DMRT1: variants seen among roughly 807,000 people sequenced by gnomAD.
The protein encoded by DMRT1 is doublesex- and mab-3-related transcription factor 1.
Under a neutral mutation model 32.3 loss-of-function variants are expected in DMRT1, and 7 were observed. The observed-to-expected ratio is 0.22, with a 90% confidence interval of 0.12 to 0.41. The LOEUF (loss-of-function observed/expected upper bound fraction) is 0.41, where lower values mean the gene tolerates loss of function less well. Ranked by LOEUF, DMRT1 falls within the 10% of genes least tolerant of loss-of-function variation. The pLI is 1.00. For synonymous variants in DMRT1, 278 were observed against 206.1 expected (o/e 1.35, Z -2.99); for missense variants, 625 against 500.5 (o/e 1.25, Z -2.37).
At chr9:894,476 C>T (rs769524091) in intron 3 of DMRT1, 2 of 495,536 alleles carry the variant, frequency 4.0e-6, no homozygotes, top group Non-Finnish European at 7.3e-6. Flanking sequence ...AACTTGTTTT[C>T]TTTTTCAAAT....
intron 3 of DMRT1, among the ~76,000 whole-genome samples, chr9:907,701 T>C (rs375417213): frequency 5.3e-5 from 8 of 152,332 alleles, no homozygotes; most frequent in East Asian, 1.9e-4. Flanking sequence ...TGACAAGTTT[T>C]GTAGAACAGT....
intron 3 of DMRT1, among the ~76,000 whole-genome samples, chr9:912,235 C>G (rs1388713818): frequency 2.6e-5 from 4 of 152,168 alleles, no homozygotes; most frequent in Admixed American, 1.3e-4. Context: ...GGCAACCGCC[C>G]CCATGATCCA....
chr9:908,845 TC>T (rs1298898753), intron 3 of DMRT1, among the ~76,000 whole-genome samples: 1 of 152,124 alleles, frequency 6.6e-6, no homozygotes, highest in Non-Finnish European at 1.5e-5. Flanking sequence ...CTCCCACCTC[TC>T]CTGGGCGCAT....
At chr9:896,610 C>G (rs1332432603) in intron 3 of DMRT1, among the ~76,000 whole-genome samples, 2 of 152,032 alleles carry the variant, frequency 1.3e-5, no homozygotes, top group African/African-American at 4.8e-5. Context: ...GTCAGGAGTT[C>G]AAGACCTGCG....
At chr9:919,460 C>T (rs768991528) in intron 4 of DMRT1, among the ~76,000 whole-genome samples, 2 of 152,110 alleles carry the variant, frequency 1.3e-5, no homozygotes, top group South Asian at 4.2e-4. Context: ...TTCCTTTTGT[C>T]GTGTTACTGC....
chr9:922,079 CA>C (rs1438581846), intron 4 of DMRT1, among the ~76,000 whole-genome samples: 1 of 151,834 alleles, frequency 6.6e-6, no homozygotes, highest in Non-Finnish European at 1.5e-5. Flanking sequence ...AGAGTTTTGC[CA>C]TATTGCTCAG....
At chr9:948,935 A>G (rs1203439680) in intron 4 of DMRT1, among the ~76,000 whole-genome samples, 1 of 145,674 alleles carries the variant, frequency 6.9e-6, no homozygotes, top group Admixed American at 6.8e-5. Context: ...AATAATAATA[A>G]TAATAATAAT....
At chr9:952,615 G>A (rs965794117) in intron 4 of DMRT1, among the ~76,000 whole-genome samples, 4 of 152,258 alleles carry the variant, frequency 2.6e-5, no homozygotes, top group Non-Finnish European at 4.4e-5. Flanking sequence ...AGCTGAGGTC[G>A]CCATTTGTTA....
chr9:960,568 T>C (rs1819739453), intron 4 of DMRT1, among the ~76,000 whole-genome samples: 1 of 152,208 alleles, frequency 6.6e-6, no homozygotes, highest in Non-Finnish European at 1.5e-5. Context: ...TCCTTTACAA[T>C]TGAGGAAACT....
intron 2 of DMRT1, among the ~76,000 whole-genome samples, chr9:859,200 C>G (rs1815543528): frequency 6.6e-6 from 1 of 152,244 alleles, no homozygotes; most frequent in South Asian, 2.1e-4. Context: ...CAAATGTTTC[C>G]TGTATTGCTG....
chr9:904,012 G>C (rs964202023), intron 3 of DMRT1, among the ~76,000 whole-genome samples: 3 of 152,200 alleles, frequency 2.0e-5, no homozygotes, highest in Non-Finnish European at 4.4e-5. Context: ...GAAATCCCCT[G>C]TAAAGTGCTG....
intron 4 of DMRT1, among the ~76,000 whole-genome samples, chr9:962,221 G>C (rs1564279366): frequency 6.6e-6 from 1 of 152,182 alleles, no homozygotes; most frequent in African/African-American, 2.4e-5. Flanking sequence ...AGCCCCTCGT[G>C]TGCACGCTTG....
chr9:950,374 T>C (rs1819389796), intron 4 of DMRT1, among the ~76,000 whole-genome samples: 1 of 152,050 alleles, frequency 6.6e-6, no homozygotes, highest in Non-Finnish European at 1.5e-5. Flanking sequence ...GCAAGCTTGT[T>C]GTGATGCACT....
intron 4 of DMRT1, among the ~76,000 whole-genome samples, chr9:951,675 G>T (rs1188062350): frequency 6.6e-6 from 1 of 152,164 alleles, no homozygotes; most frequent in Non-Finnish European, 1.5e-5. Flanking sequence ...TATACTTAAA[G>T]AATAAAACTG....
chr9:885,861 G>T (rs979511814), intron 2 of DMRT1, among the ~76,000 whole-genome samples: 4 of 152,182 alleles, frequency 2.6e-5, no homozygotes, highest in Non-Finnish European at 4.4e-5. Context: ...TGGACTGTAA[G>T]GGACTACTGG....
intron 3 of DMRT1, among the ~76,000 whole-genome samples, chr9:906,396 G>A (rs1817779521): frequency 6.6e-6 from 1 of 152,178 alleles, no homozygotes; most frequent in Non-Finnish European, 1.5e-5. Context: ...TAATGTTTCT[G>A]ACAGCTCATG....
chr9:870,202 AG>A, intron 2 of DMRT1, among the ~76,000 whole-genome samples: 1 of 152,300 alleles, frequency 6.6e-6, no homozygotes, highest in East Asian at 1.9e-4. Context: ...GTTTGGGACC[AG>A]CCTGGGTAAC....
chr9:933,793 G>A lies in DMRT1; in HGVS notation c.967+16886G>A, dbSNP rs570321656. Among the ~76,000 whole-genome samples the A allele has an allele frequency of 1.4e-4, 21 of 152,202 alleles. No individual in the cohort carries two copies. The South Asian group carries it at 3.7e-3, about 27-fold the overall frequency. On this transcript the variant is annotated intron_variant, in intron 4 of 4. Transcript: ENST00000382276. ...TCCATCATCATAGGAAGTTGTATTC[G>A]GCAACTTTTTGGGTCTTTTACAGTG... is the stretch of plus-strand genomic sequence containing the variant.
Position 880,987 on chromosome 9 carries a change from A to G in DMRT1, c.539-12925A>G, listed in dbSNP as rs372513332. Among the ~76,000 whole-genome samples, 175 of 152,306 alleles carry G rather than the reference A, an allele frequency of 1.1e-3. 2 individuals carry two copies. The South Asian group carries it at 0.015, about 13-fold the overall frequency. ...AGATGTAAGGGTGTGATTTCTTGAC[A>G]TCAAAGCACCAAGCTTGAATGGGTT... On this transcript the variant is annotated intron_variant, in intron 2 of 4. Transcript: ENST00000382276.
Sources: allele counts gnomAD v4.1 joint callset (sites outside exome capture counted in the v4.1 genomes callset), GRCh38; gene constraint gnomAD v4.1.1; transcripts MANE v1.5; gene names NCBI Gene and HGNC (gene_info 2026-07-23, HGNC 2026-07-21).